Variants in ADCY10 observed in about 807,000 individuals in gnomAD.
The protein encoded by ADCY10 is adenylate cyclase type 10.
Under a neutral mutation model 183.3 loss-of-function variants are expected in ADCY10, and 156 were observed. The ratio of observed to expected loss-of-function variants is 0.85; its 90% CI spans 0.75 to 0.97. The LOEUF (loss-of-function observed/expected upper bound fraction) is 0.97. Ranked by LOEUF, ADCY10 falls within the 50% of genes least tolerant of loss-of-function variation. The pLI, the probability that ADCY10 is intolerant of heterozygous loss-of-function variation, is 0.00. For synonymous variants in ADCY10, 645 were observed against 670.0 expected (o/e 0.96, Z 0.58); for missense variants, 1,745 against 1,934.3 (o/e 0.90, Z 1.84).
Position 167,818,244 on chromosome 1 carries a change from T to C in ADCY10, c.4310A>G (p.Asp1437Gly), listed in dbSNP as rs2101844266. Residue 1437 changes from aspartate (D) to glycine (G), a missense_variant, in exon 31 of 33, where the codon GAC becomes GGC. Asp to Gly is a moderately conservative substitution (Grantham distance 94). Coordinates refer to ENST00000367851, the MANE Select transcript of ADCY10 (RefSeq NM_018417.6). ...AIWYARLQEW[D>G]NFYKFSNRAK... is the part of the protein sequence containing the mutation. Reference sequence around the variant, plus strand: ...TCTATTGGAAAATTTGTAAAAGTTGTCCCATTCCTGAAGTCTGGCATACCT... The same window carrying C: ...TCTATTGGAAAATTTGTAAAAGTTGCCCCATTCCTGAAGTCTGGCATACCT... 6.2e-7 allele frequency: 1 copy of C among 1,614,172 alleles called. No individual in the cohort carries two copies. Among genetic ancestry groups the C allele is most frequent in the Non-Finnish European group, 8.5e-7 (1 of 1,180,016 alleles).
Position 167,875,139 on chromosome 1 carries a change from G to A in ADCY10, c.1454C>T (p.Pro485Leu), listed in dbSNP as rs774582495. 1 of 1,614,100 alleles carries A rather than the reference G, an allele frequency of 6.2e-7. No homozygotes were observed. Among genetic ancestry groups the A allele is most frequent in the East Asian group, 2.2e-5 (1 of 44,888 alleles). The part of the protein sequence containing the change: ...CLICNRKEDY[P>L]LLGRNKEINY... Reference sequence around the variant, plus strand: ...CAAGGCCTACTACCTACCCAGCAAAGGGTAATCCTCCTTTCTGTTGCAGAT... The same window carrying A: ...CAAGGCCTACTACCTACCCAGCAAAAGGTAATCCTCCTTTCTGTTGCAGAT... The change falls in exon 13 of 33, where the codon CCT (proline) becomes CTT (leucine). Residue 485 changes from proline (P) to leucine (L), a missense_variant. Transcript: ENST00000367851.
In ADCY10 at chr1:167,861,931, T is replaced by C. The variant is rs996507481; in HGVS notation, c.1617-868A>G. On this transcript the variant is annotated intron_variant, in intron 14 of 32. Transcript: ENST00000367851. ...TTGGCACTTCCTCCCTTGCTCGCTCTCTCCTGCCACCATGTAAGACATGCC... is the reference window on the plus strand; with the variant it reads ...TTGGCACTTCCTCCCTTGCTCGCTCCCTCCTGCCACCATGTAAGACATGCC... 3.3e-5 allele frequency among the ~76,000 whole-genome samples: 5 copies of C among 152,190 alleles called. No individual in the cohort carries two copies. In the South Asian group the frequency reaches 1.0e-3, roughly 32 times the overall value.
At chr1:167,892,649 G>T (rs987742917) in intron 8 of ADCY10, among the ~76,000 whole-genome samples, 4 of 152,180 alleles carry the variant, frequency 2.6e-5, no homozygotes, top group Non-Finnish European at 5.9e-5. Context: ...GTCAAGCAAT[G>T]CAGGCACTAG....
At chr1:167,875,910 A>G (rs1033655869) in intron 12 of ADCY10, among the ~76,000 whole-genome samples, 1 of 151,114 alleles carries the variant, frequency 6.6e-6, no homozygotes. Flanking sequence ...CCGAGATCGC[A>G]CCACTGCACT....
rs563635719 is a variant in ADCY10, at chr1:167,875,638, C to T, written c.1407-452G>A. On this transcript the variant is annotated intron_variant, in intron 12 of 32. Coordinates refer to ENST00000367851, the MANE Select transcript of ADCY10 (RefSeq NM_018417.6). Reference sequence around the variant, plus strand: ...TTTACATGCATCATTTTCTTTAATCCTGACAAAAACACTGTTAAGAAGTAC... The same window carrying T: ...TTTACATGCATCATTTTCTTTAATCTTGACAAAAACACTGTTAAGAAGTAC... Among the ~76,000 whole-genome samples, 3 of 152,260 alleles carry T rather than the reference C, an allele frequency of 2.0e-5. No homozygotes were observed. In the South Asian group the frequency reaches 6.2e-4, roughly 32 times the overall value.
At position 167,845,788 on chromosome 1, in the gene ADCY10, A is replaced by G; in HGVS notation, c.2782T>C (p.Phe928Leu). ...GTTTTCTGCATCATAGGGTTACAGA[A>G]TCGAATCCTGTGGCACTCGATCACC... Reference protein sequence around the residue: ...NEVIECHRIRFCNPMMQKTAY... With the variant: ...NEVIECHRIRLCNPMMQKTAY... Residue 928 changes from phenylalanine to leucine, a missense_variant, in exon 21 of 33, where the codon TTC becomes CTC. By Grantham distance (22) the Phe-to-Leu change is conservative. Transcript: ENST00000367851. 2 of 1,614,188 alleles carry G rather than the reference A, an allele frequency of 1.2e-6. No individual in the cohort carries two copies. Among genetic ancestry groups the G allele is most frequent in the Non-Finnish European group, 1.7e-6 (2 of 1,180,044 alleles).
At chr1:167,821,615 G>A (rs557630770) in intron 30 of ADCY10, among the ~76,000 whole-genome samples, 14 of 152,298 alleles carry the variant, frequency 9.2e-5, no homozygotes, top group African/African-American at 2.4e-4. Context: ...GCCCGCTTTC[G>A]TGAAGATATA....
rs1170444873 is a variant in ADCY10, at chr1:167,884,161, T to C, written c.829-533A>G. 3.3e-5 allele frequency among the ~76,000 whole-genome samples: 5 copies of C among 152,284 alleles called. No individual in the cohort carries two copies. In the East Asian group the frequency reaches 7.7e-4, roughly 24 times the overall value. ...AATGTATGGTTGTATTAGTCCGTTC[T>C]CCCACTGTTATAAAGAACTACCTGA... On this transcript the variant is annotated intron_variant, in intron 8 of 32. Transcript: ENST00000367851.
At chr1:167,832,888 C>T (rs542613675) in intron 25 of ADCY10, 99 bp downstream of exon 25, 2 of 1,282,412 alleles carry the variant, frequency 1.6e-6, no homozygotes, top group Non-Finnish European at 2.2e-6. Context: ...AGTCCTTGTG[C>T]CCCCTGGAGG....
chr1:167,895,085 G>A (rs1427470989), intron 7 of ADCY10, among the ~76,000 whole-genome samples: 3 of 151,892 alleles, frequency 2.0e-5, no homozygotes, highest in Non-Finnish European at 4.4e-5. Flanking sequence ...AGGAGGCTGA[G>A]GCAGGAGAAT....
intron 8 of ADCY10, among the ~76,000 whole-genome samples, chr1:167,884,443 C>T (rs185761066): frequency 1.5e-4 from 23 of 152,140 alleles, no homozygotes; most frequent in Non-Finnish European, 2.9e-4. Flanking sequence ...TCCTACCAGT[C>T]CCCTCCACCA....
At chr1:167,890,804 C>T (rs997801894) in intron 8 of ADCY10, among the ~76,000 whole-genome samples, 2 of 152,152 alleles carry the variant, frequency 1.3e-5, no homozygotes, top group Non-Finnish European at 2.9e-5. Context: ...TCCTACTCTA[C>T]GTTCAAACAA....
chr1:167,846,575 C>T (rs1007641869), intron 19 of ADCY10, among the ~76,000 whole-genome samples: 7 of 152,170 alleles, frequency 4.6e-5, no homozygotes, highest in African/African-American at 7.2e-5. Context: ...GAGGAGAGGA[C>T]ATTGTAATCA....
rs58787930 is a variant in ADCY10, at chr1:167,870,638, C to CAA, written c.1463-230_1463-229dup. On this transcript the variant is annotated intron_variant, in intron 13 of 32. Transcript: ENST00000367851. ...TGAAACCCTGCCTCTACTGAAAATA[C>CAA]AAAAAAAAAAAAAAAAAAAAATTAG... Among the ~76,000 whole-genome samples, 6,983 of 93,614 alleles carry CAA rather than the reference C, an allele frequency of 0.075. 283 individuals are homozygous for CAA. Among genetic ancestry groups the CAA allele is most frequent in the East Asian group, 0.16 (479 of 3,038 alleles). 61.4% of individuals were successfully genotyped at this position (93,614 alleles called of 152,430 possible).
intron 19 of ADCY10, 87 bp from the exon 20 acceptor site, chr1:167,846,350 T>A: frequency 2.0e-6 from 3 of 1,491,712 alleles, no homozygotes; most frequent in African/African-American, 2.8e-5. Context: ...TGGACAACCA[T>A]CCTGCTCTAC....
chr1:167,818,036 CATATTTT>C lies in ADCY10; in HGVS notation c.4482+29_4482+35del, dbSNP rs770006896. The C allele has an allele frequency of 5.7e-6, 9 of 1,577,152 alleles. No individual in the cohort carries two copies. The South Asian group carries it at 8.9e-5, about 16-fold the overall frequency. ...GAAGTAGACAGAGATCCATTTAAGG[CATATTTT>C]ATACTGGAAACTGGAGAATAGGCCT... On this transcript the variant is annotated intron_variant, in intron 31 of 32. Coordinates refer to ENST00000367851, the MANE Select transcript of ADCY10 (RefSeq NM_018417.6).
intron 9 of ADCY10, 66 bp downstream of exon 9, chr1:167,883,371 A>G (rs1668001272): frequency 1.3e-6 from 2 of 1,554,282 alleles, no homozygotes; most frequent in Non-Finnish European, 1.8e-6. Context: ...ATTCTCACCA[A>G]TGTGCTTGTC....
At chr1:167,882,158 G>T (rs1558228716) in intron 9 of ADCY10, among the ~76,000 whole-genome samples, 1 of 152,172 alleles carries the variant, frequency 6.6e-6, no homozygotes, top group Non-Finnish European at 1.5e-5. Flanking sequence ...GTGGTCATTT[G>T]TTCATCACAT....
chr1:167,867,285 T>C (rs1666773866), intron 14 of ADCY10, among the ~76,000 whole-genome samples: 1 of 152,176 alleles, frequency 6.6e-6, no homozygotes, highest in Non-Finnish European at 1.5e-5. Flanking sequence ...GAAAAAGCCC[T>C]GCTCCAGTCA....
Sources: gnomAD v4.1 joint callset for allele counts (sites outside exome capture counted in the v4.1 genomes callset) on GRCh38, gnomAD v4.1.1 for gene constraint, MANE v1.5 for transcripts, NCBI Gene and HGNC (gene_info 2026-07-23, HGNC 2026-07-21) for gene names.